The following NSMCE4A variants were observed in gnomAD, a reference collection of about 807,000 sequenced individuals.
NSMCE4A encodes NSE4A component of SMC5/6 complex, also known as non-structural maintenance of chromosomes element 4 homolog A.
NSMCE4A carries 40 observed loss-of-function variants against 47.9 expected under a neutral mutation model. The ratio of observed to expected loss-of-function variants is 0.83; its 90% CI spans 0.65 to 1.09. NSMCE4A has a LOEUF of 1.09. Among genes scored for constraint, NSMCE4A ranks in the 50% least tolerant of loss-of-function variants. The pLI, the probability that NSMCE4A is intolerant of heterozygous loss-of-function variation, is 0.00. For missense variants in NSMCE4A, 500 were observed against 507.0 expected, an observed-to-expected ratio of 0.99 and a Z score of 0.13; for synonymous variants, 166 against 178.5, an observed-to-expected ratio of 0.93 and a Z score of 0.56.
intron 6 of NSMCE4A, among the ~76,000 whole-genome samples, chr10:121,962,500 C>T (rs993430322): frequency 6.6e-6 from 1 of 151,496 alleles, no homozygotes; most frequent in African/African-American, 2.4e-5. Context: ...TAATGGGAAT[C>T]AGTGAACAAA....
chr10:121,971,649 C>T (rs935428074), intron 2 of NSMCE4A, among the ~76,000 whole-genome samples: 2 of 152,176 alleles, frequency 1.3e-5, no homozygotes, highest in African/African-American at 4.8e-5. Context: ...TTAAATAACT[C>T]CAGTTGAGCA....
Position 121,975,197 on chromosome 10 carries a change from C to T in NSMCE4A, c.-32G>A. The T allele has an allele frequency of 7.4e-7, 1 of 1,350,378 alleles. No individual in the cohort carries two copies. The highest frequency in any genetic ancestry group is 9.5e-7 in the Non-Finnish European group (1 of 1,056,650). 83.6% of individuals were successfully genotyped at this position (1,350,378 alleles called of 1,614,324 possible). On this transcript the variant is annotated 5_prime_UTR_variant, in exon 1 of 11. Transcript: ENST00000369023. ...AATTCACCGTGCAACTTCGGAACGGCGGAAGTTCGCGCCAGAAACTGAAAC... is the reference window on the plus strand; with the variant it reads ...AATTCACCGTGCAACTTCGGAACGGTGGAAGTTCGCGCCAGAAACTGAAAC...
intron 2 of NSMCE4A, 138 bp from the exon 3 acceptor site, chr10:121,971,207 T>C (rs920977645): frequency 5.0e-6 from 4 of 792,590 alleles, no homozygotes; most frequent in Non-Finnish European, 7.7e-6. Flanking sequence ...AACTGACACA[T>C]CTCCTTCTAA....
At position 121,971,983 on chromosome 10, in the gene NSMCE4A, G is replaced by A. The variant is rs1952723139; in HGVS notation, c.371-914C>T. ...GATACTCAAAAAAGGCTTGACAGAG[G>A]ACATGGGATTTAAGAAAAGCTATGG... On this transcript the variant is annotated intron_variant, in intron 2 of 10. Coordinates refer to ENST00000369023, the MANE Select transcript of NSMCE4A (RefSeq NM_017615.3). Among the ~76,000 whole-genome samples, 3 of 152,158 alleles carry A rather than the reference G, an allele frequency of 2.0e-5. No homozygotes were observed. The South Asian group carries it at 6.2e-4, about 32-fold the overall frequency.
rs767989271 is a variant in NSMCE4A at position 121,973,906 on chromosome 10, C to T, written c.370+98G>A. 4 of 822,444 alleles carry T rather than the reference C, an allele frequency of 4.9e-6. No homozygotes were observed. In the African/African-American group the frequency reaches 6.9e-5, roughly 14 times the overall value. The allele number at this position is 822,444 out of a possible 1,614,324, so 50.9% of individuals were successfully genotyped here. A position where few individuals can be genotyped will look rare whatever the true frequency, so the allele number is the denominator to read the frequency against. On this transcript the variant is annotated intron_variant, in intron 2 of 10. Transcript: ENST00000369023. ...TTCCCGAACTGGGAAAGCACTATTA[C>T]AAATGTGGGAATTGTTTTATGTCAA...
Position 121,971,153 on chromosome 10 carries a change from A to G in NSMCE4A, c.371-84T>C, listed in dbSNP as rs1486072846. On this transcript the variant is annotated intron_variant, in intron 2 of 10. Coordinates refer to ENST00000369023, the MANE Select transcript of NSMCE4A (RefSeq NM_017615.3). ...TTCCCTACATTTCCAACTACTTACC[A>G]GGATTTCCCACTGGACTAAAAAAAA... is the stretch of plus-strand genomic sequence containing the variant. The G allele has an allele frequency of 5.9e-6, 7 of 1,179,238 alleles. No homozygotes were observed. In the East Asian group the frequency reaches 1.5e-4, roughly 25 times the overall value. The allele number at this position is 1,179,238 out of a possible 1,614,324, so 73.0% of individuals were successfully genotyped here.
At chr10:121,974,764 C>A (rs1160558075) in intron 1 of NSMCE4A, 110 bp downstream of exon 1, 3 of 1,172,626 alleles carry the variant, frequency 2.6e-6, no homozygotes, top group Middle Eastern at 3.5e-4. Flanking sequence ...CTACTAACGC[C>A]GCGCCGGGCC....
chr10:121,964,630 C>T (rs1210474460), intron 5 of NSMCE4A, among the ~76,000 whole-genome samples: 4 of 151,536 alleles, frequency 2.6e-5, no homozygotes, highest in South Asian at 2.1e-4. Flanking sequence ...TTAGTAGAGA[C>T]GGGGTTTCCC....
At chr10:121,965,514 C>T in intron 4 of NSMCE4A, 129 bp from the exon 5 acceptor site, 1 of 662,700 alleles carries the variant, frequency 1.5e-6, no homozygotes, top group South Asian at 2.0e-5. Context: ...TACAAGCTGA[C>T]ATCAGAGTAA....
intron 7 of NSMCE4A, 58 bp downstream of exon 7, chr10:121,961,362 TTTC>T: frequency 8.3e-7 from 1 of 1,200,998 alleles, no homozygotes; most frequent in South Asian, 1.5e-5. Flanking sequence ...TTCTACAGCT[TTTC>T]TTATGTAGCC....
intron 10 of NSMCE4A, among the ~76,000 whole-genome samples, 190 bp from the exon 11 acceptor site, chr10:121,957,449 T>G (rs1269054896): frequency 1.8e-5 from 1 of 54,092 alleles, no homozygotes; most frequent in African/African-American, 5.9e-5. Context: ...TTTTTTTTTT[T>G]TGAGACAGAG....
chr10:121,968,522 C>T (rs1282896795), intron 3 of NSMCE4A, among the ~76,000 whole-genome samples: 1 of 152,100 alleles, frequency 6.6e-6, no homozygotes, highest in Non-Finnish European at 1.5e-5. Context: ...AGCAGTGGCC[C>T]GGCATCACTG....
intron 10 of NSMCE4A, among the ~76,000 whole-genome samples, chr10:121,957,896 A>T (rs1952427844): frequency 6.6e-6 from 1 of 152,104 alleles, no homozygotes; most frequent in African/African-American, 2.4e-5. Flanking sequence ...TCTAGCTTGA[A>T]AATCTTTCCA....
intron 3 of NSMCE4A, 61 bp downstream of exon 3, chr10:121,970,878 G>A: frequency 1.4e-6 from 2 of 1,417,172 alleles, no homozygotes. Context: ...TATGAGCACA[G>A]TAAATAATTA....
Position 121,960,254 on chromosome 10 carries a change from G to A in NSMCE4A, c.988+104C>T, listed in dbSNP as rs1274469113. 11 of 772,736 alleles carry A rather than the reference G, an allele frequency of 1.4e-5. No homozygotes were observed. The highest frequency in any genetic ancestry group is 3.8e-6 in the Non-Finnish European group (2 of 524,758). 47.9% of individuals were successfully genotyped at this position (772,736 alleles called of 1,614,324 possible). A position where few individuals can be genotyped will look rare whatever the true frequency, so the allele number is the denominator to read the frequency against. On this transcript the variant is annotated intron_variant, in intron 8 of 10. Transcript: ENST00000369023. This position sits in a 1 kb window ranked among gnomAD's most constrained non-coding sequence, Gnocchi z 4.2. ...TTGAGCAAGATACAATATTGTAAAA[G>A]TTAATCTACATTGAAAATTCATTTA...
intron 5 of NSMCE4A, 62 bp downstream of exon 5, chr10:121,965,224 A>G (rs886262347): frequency 2.0e-5 from 25 of 1,238,302 alleles, no homozygotes; most frequent in Admixed American, 1.8e-4. Flanking sequence ...TTGCATGCAC[A>G]TTATTTTAAC....
chr10:121,963,086 CA>C (rs1332845412), intron 6 of NSMCE4A, 151 bp downstream of exon 6: 1 of 425,740 alleles, frequency 2.3e-6, no homozygotes, highest in Non-Finnish European at 4.1e-6. Context: ...TCAAAGTTTT[CA>C]CATGAAATTT....
At chr10:121,962,619 C>CT (rs10656394) in intron 6 of NSMCE4A, among the ~76,000 whole-genome samples, 145,281 of 148,494 alleles carry the variant, frequency 0.98, 71,130 homozygotes, top group Middle Eastern at 1. Flanking sequence ...AAAAAACAAA[C>CT]TTTTTTTTTT....
chr10:121,970,939 T>G lies in NSMCE4A; in HGVS notation c.501A>C (p.Leu167=), dbSNP rs139294636. The stretch of plus-strand genomic sequence containing the variant: ...TCAGAGTCTGTAGCTTTGAACTTAC[T>G]AGAGTTTCAACATATCTTAACATGT... ...SFDMLRYVET[L]LTHMGVNPLE... is the part of the protein sequence containing the mutation. Residue 167 remains leucine (L), a splice_region_variant and synonymous_variant, in exon 3 of 11, where the codon CTA becomes CTC. Coordinates refer to ENST00000369023, the MANE Select transcript of NSMCE4A (RefSeq NM_017615.3). 2 of 1,605,784 alleles carry G rather than the reference T, an allele frequency of 1.2e-6. No individual in the cohort carries two copies. The highest frequency in any genetic ancestry group is 1.7e-6 in the Non-Finnish European group (2 of 1,176,138).
Sources: gnomAD v4.1 joint callset for allele counts (sites outside exome capture counted in the v4.1 genomes callset) on GRCh38, gnomAD v4.1.1 for gene constraint, Gnocchi (gnomAD v3.1) non-coding constraint, MANE v1.5 for transcripts, NCBI Gene and HGNC (gene_info 2026-07-23, HGNC 2026-07-21) for gene names.